The following PALLD variants were observed in gnomAD, a reference collection of about 807,000 sequenced individuals.
PALLD encodes palladin.
Under a neutral mutation model 123.5 loss-of-function variants are expected in PALLD, and 61 were observed. That is an observed-to-expected ratio of 0.49 (90% CI 0.40 to 0.61). The LOEUF (loss-of-function observed/expected upper bound fraction) is 0.61. Ranked by LOEUF, PALLD falls within the 20% of genes least tolerant of loss-of-function variation. PALLD has a pLI of 0.00. For missense variants in PALLD, 1,273 were observed against 1,377.0 expected (o/e 0.92, Z 1.20); for synonymous variants, 465 against 496.4 (o/e 0.94, Z 0.84).
At chr4:168,690,771 A>AT in intron 7 of PALLD, 27 bp downstream of exon 7, 1 of 1,612,256 alleles carries the variant, frequency 6.2e-7, no homozygotes, top group African/African-American at 1.3e-5. Flanking sequence ...ATGTCCCCAA[A>AT]TCTGACCATT....
intron 10 of PALLD, among the ~76,000 whole-genome samples, chr4:168,766,828 A>G (rs1220990796): frequency 6.6e-6 from 1 of 152,196 alleles, no homozygotes; most frequent in African/African-American, 2.4e-5. Context: ...CGTCTAGCCA[A>G]AACTGGCCTC....
intron 13 of PALLD, among the ~76,000 whole-genome samples, chr4:168,897,091 A>G (rs1196503395): frequency 1.3e-5 from 2 of 152,194 alleles, no homozygotes; most frequent in Non-Finnish European, 2.9e-5. Context: ...TTGGCTTCCC[A>G]AAGCGCTGGG....
intron 10 of PALLD, among the ~76,000 whole-genome samples, chr4:168,781,457 G>A (rs1467840949): frequency 6.6e-6 from 1 of 152,210 alleles, no homozygotes; most frequent in Non-Finnish European, 1.5e-5. Flanking sequence ...CTGGTGTGGT[G>A]GAGGGGATAA....
intron 10 of PALLD, among the ~76,000 whole-genome samples, chr4:168,764,252 C>A (rs1369270501): frequency 6.6e-6 from 1 of 151,930 alleles, no homozygotes; most frequent in Admixed American, 6.6e-5. Context: ...TGTTACTTGA[C>A]CTGAGAGAAC....
chr4:168,709,146 A>G lies in PALLD; in HGVS notation c.1620A>G (p.Ser540=). ...ATSTAQLVVT[S]ANTENCSYES... is the part of the protein sequence containing the mutation. Reference sequence around the variant, plus strand: ...GCACTGCCCAGCTGGTTGTCACCTCAGGTATGTGAGGAGTAAAAAAAATGA... The same window carrying G: ...GCACTGCCCAGCTGGTTGTCACCTCGGGTATGTGAGGAGTAAAAAAAATGA... The change falls in exon 9 of 22, where the codon TCA becomes TCG. Residue 540 remains serine (S), a splice_region_variant and synonymous_variant. Transcript: ENST00000505667. 6.2e-7 allele frequency: 1 copy of G among 1,613,734 alleles called. No individual in the cohort carries two copies. The highest frequency in any genetic ancestry group is 1.1e-5 in the South Asian group (1 of 91,068).
chr4:168,685,810 G>GAAAAAAAAAAAAAAA (rs70961550), intron 6 of PALLD, among the ~76,000 whole-genome samples: 1 of 65,632 alleles, frequency 1.5e-5, no homozygotes, highest in African/African-American at 5.8e-5. Flanking sequence ...AAGACAGATA[G>GAAAAAAAAAAAAAAA]AAAAAAAAAA....
At chr4:168,794,271 A>T (rs924936313) in intron 10 of PALLD, among the ~76,000 whole-genome samples, 3 of 152,138 alleles carry the variant, frequency 2.0e-5, no homozygotes, top group Non-Finnish European at 2.9e-5. Context: ...TCGGGCAGTG[A>T]GAGTGTCACC....
chr4:168,721,368 A>G (rs1034244509), intron 10 of PALLD, among the ~76,000 whole-genome samples: 2 of 152,188 alleles, frequency 1.3e-5, no homozygotes, highest in African/African-American at 2.4e-5. Context: ...AGATAAAGCT[A>G]TGAATTTGAT....
intron 10 of PALLD, among the ~76,000 whole-genome samples, chr4:168,847,888 G>T: frequency 6.6e-6 from 1 of 151,842 alleles, no homozygotes; most frequent in African/African-American, 2.4e-5. Flanking sequence ...GAAAAAAAAA[G>T]GAAGAAACTA....
chr4:168,727,587 C>T (rs563627437), intron 10 of PALLD, among the ~76,000 whole-genome samples: 76 of 152,024 alleles, frequency 5.0e-4, no homozygotes, highest in Admixed American at 3.2e-3. Flanking sequence ...GATTTAAGTT[C>T]CTTATAGGTT....
At chr4:168,751,200 C>G (rs1731020902) in intron 10 of PALLD, among the ~76,000 whole-genome samples, 1 of 151,914 alleles carries the variant, frequency 6.6e-6, no homozygotes, top group African/African-American at 2.4e-5. Context: ...TTAGTAGAGA[C>G]AGGGTTTCTC....
intron 10 of PALLD, among the ~76,000 whole-genome samples, chr4:168,803,699 G>A (rs913195651): frequency 3.3e-4 from 41 of 125,114 alleles, no homozygotes; most frequent in African/African-American, 8.3e-4. Flanking sequence ...AAAAAAAAAA[G>A]AAAAAAGGAA....
intron 2 of PALLD, among the ~76,000 whole-genome samples, chr4:168,625,504 T>TAGATAGATAGATAG (rs769777583): frequency 1.4e-4 from 19 of 135,930 alleles, no homozygotes; most frequent in Non-Finnish European, 2.5e-4. Context: ...ATCCAGGAGA[T>TAGATAGATAGATAG]ATATATATAT....
intron 2 of PALLD, among the ~76,000 whole-genome samples, chr4:168,597,236 T>A (rs1223787156): frequency 3.3e-5 from 5 of 152,226 alleles, no homozygotes; most frequent in African/African-American, 1.2e-4. Flanking sequence ...ATATACTATT[T>A]ATCAGATTGG....
At chr4:168,895,151 AGGTG>A (rs1439943525) in intron 12 of PALLD, among the ~76,000 whole-genome samples, 2 of 152,166 alleles carry the variant, frequency 1.3e-5, no homozygotes, top group Non-Finnish European at 2.9e-5. Context: ...TGGGAGGCTG[AGGTG>A]GGTGGATCAC....
intron 1 of PALLD, among the ~76,000 whole-genome samples, chr4:168,506,326 C>A (rs897779062): frequency 1.3e-5 from 2 of 151,902 alleles, no homozygotes; most frequent in Admixed American, 6.6e-5. Context: ...AGTTTGGGAA[C>A]TCTCCTTTCT....
intron 10 of PALLD, among the ~76,000 whole-genome samples, chr4:168,736,833 G>A (rs574936110): frequency 1.3e-5 from 2 of 152,114 alleles, no homozygotes; most frequent in Non-Finnish European, 2.9e-5. Flanking sequence ...AAAATGTGCT[G>A]ACAACTGTGA....
intron 2 of PALLD, among the ~76,000 whole-genome samples, chr4:168,577,104 G>A (rs751233677): frequency 6.6e-6 from 1 of 152,120 alleles, no homozygotes; most frequent in Admixed American, 6.6e-5. Context: ...GCCATAAGGT[G>A]GAAGAAGATT....
chr4:168,564,740 A>C (rs374850667), intron 2 of PALLD, among the ~76,000 whole-genome samples: 10 of 152,330 alleles, frequency 6.6e-5, no homozygotes, highest in African/African-American at 1.9e-4. Flanking sequence ...CAAGGACATT[A>C]ATGTAATTAT....
Sources: allele counts gnomAD v4.1 joint callset (sites outside exome capture counted in the v4.1 genomes callset), GRCh38; gene constraint gnomAD v4.1.1; transcripts MANE v1.5; gene names NCBI Gene and HGNC (gene_info 2026-07-23, HGNC 2026-07-21).